Variants in SNED1 observed in about 807,000 individuals in gnomAD.
SNED1 encodes sushi, nidogen and EGF-like domain-containing protein 1.
Under a neutral mutation model 166.7 loss-of-function variants are expected in SNED1, and 81 were observed. The ratio of observed to expected loss-of-function variants is 0.49; its 90% CI spans 0.41 to 0.58. SNED1 has a LOEUF of 0.58. Ranked by LOEUF, SNED1 falls within the 20% of genes least tolerant of loss-of-function variation. The probability of loss-of-function intolerance (pLI) is 0.00; values close to 1 mark genes in which losing one functional copy is unlikely to be tolerated. For synonymous variants in SNED1, 762 were observed against 822.0 expected (o/e 0.93, Z 1.25); for missense variants, 1,604 against 2,000.2 (o/e 0.80, Z 3.78).
intron 16 of SNED1, among the ~76,000 whole-genome samples, chr2:241,055,355 CAG>C (rs1398019854): frequency 4.6e-5 from 7 of 152,074 alleles, no homozygotes; most frequent in Non-Finnish European, 8.8e-5. Context: ...CCTAGACAAA[CAG>C]AAAAAGTTTT....
At position 241,070,062 on chromosome 2, in the gene SNED1, T is replaced by C. The variant is rs1456633303; in HGVS notation, c.3450T>C (p.Tyr1150=). Residue 1150 remains tyrosine, a synonymous_variant, in exon 24 of 32, where the codon TAT becomes TAC. Coordinates refer to ENST00000310397, the MANE Select transcript of SNED1 (RefSeq NM_001080437.3). ...CCAGCCAGAGCACCAAGAGCCGCTA[T>C]GTCCCCAACGGGAAGCTGGCGTCCT... is the stretch of plus-strand genomic sequence containing the variant. ...VTTSQSTKSR[Y]VPNGKLASYT... 1.6e-5 allele frequency: 26 copies of C among 1,613,106 alleles called. No individual in the cohort carries two copies. Among genetic ancestry groups the C allele is most frequent in the South Asian group, 7.7e-5 (7 of 91,088 alleles).
intron 16 of SNED1, among the ~76,000 whole-genome samples, chr2:241,056,102 G>A (rs935397453): frequency 2.2e-4 from 33 of 150,790 alleles, no homozygotes; most frequent in African/African-American, 8.2e-4. Flanking sequence ...AGACCTTATG[G>A]ATCACCCAAG....
intron 29 of SNED1, among the ~76,000 whole-genome samples, chr2:241,086,498 C>A (rs2063582178): frequency 1.3e-5 from 2 of 152,248 alleles, no homozygotes; most frequent in South Asian, 4.1e-4. Flanking sequence ...GAATTCCAGG[C>A]TGACCACAGG....
At position 241,064,852 on chromosome 2, in the gene SNED1, C is replaced by A; in HGVS notation, c.2608C>A (p.Pro870Thr). Residue 870 changes from proline (P) to threonine (T), a missense_variant, in exon 20 of 32, where the codon CCC (proline) becomes ACC (threonine). Pro to Thr is a conservative substitution (Grantham distance 38, BLOSUM62 -1). This residue lies in a region of SNED1 where 1,237 missense variants were observed against 1,620.8 expected (regional missense o/e 0.76). Coordinates refer to ENST00000310397, the MANE Select transcript of SNED1 (RefSeq NM_001080437.3). This position sits in a 1 kb window ranked among gnomAD's most constrained non-coding sequence, Gnocchi z 7.0. ...ACTTTTTCTCCCCTCAGTGAGTGAC[C>A]CCTGCTTCTCCAGCCCCTGTGGGGG... is the stretch of plus-strand genomic sequence containing the variant. Reference protein sequence around the residue: ...FGYHCETVSDPCFSSPCGGRG... With the variant: ...FGYHCETVSDTCFSSPCGGRG... 6.3e-7 allele frequency: 1 copy of A among 1,585,912 alleles called. No homozygotes were observed. The highest frequency in any genetic ancestry group is 8.5e-7 in the Non-Finnish European group (1 of 1,171,336).
At chr2:241,033,298 T>C (rs1204753390) in intron 2 of SNED1, among the ~76,000 whole-genome samples, 1 of 152,228 alleles carries the variant, frequency 6.6e-6, no homozygotes, top group Non-Finnish European at 1.5e-5. Context: ...AATATTTCCT[T>C]GCAGTAGAAT....
At position 241,068,586 on chromosome 2, in the gene SNED1, G is replaced by A. The variant is rs1039003206; in HGVS notation, c.3195-325G>A. On this transcript the variant is annotated intron_variant, in intron 22 of 31. Coordinates refer to ENST00000310397, the MANE Select transcript of SNED1 (RefSeq NM_001080437.3). The surrounding 1 kb of genome is among the most constrained non-coding windows in gnomAD (Gnocchi z 5.3). The stretch of plus-strand genomic sequence containing the variant: ...GAATTTACATCAACTCACCTGTGCT[G>A]AGGGCCCGTCCCCCATCCCTGCACA... 3.9e-5 allele frequency among the ~76,000 whole-genome samples: 6 copies of A among 152,078 alleles called. No homozygotes were observed. The highest frequency in any genetic ancestry group is 1.4e-4 in the African/African-American group (6 of 41,390).
intron 3 of SNED1, 33 bp from the exon 4 acceptor site, chr2:241,034,535 G>T (rs774952011): frequency 1.3e-6 from 2 of 1,555,830 alleles, no homozygotes; most frequent in Admixed American, 3.5e-5. Context: ...TGGGGAACTG[G>T]CCTCCCTCAC....
chr2:241,034,956 A>T (rs1284755197), intron 4 of SNED1, among the ~76,000 whole-genome samples: 1 of 150,144 alleles, frequency 6.7e-6, no homozygotes, highest in African/African-American at 2.5e-5. Context: ...TCTGGGTTGG[A>T]GGGAACCCTC....
intron 1 of SNED1, among the ~76,000 whole-genome samples, chr2:241,023,341 T>C (rs1197805800): frequency 6.6e-6 from 1 of 152,224 alleles, no homozygotes; most frequent in Non-Finnish European, 1.5e-5. Context: ...CTCCATTTCC[T>C]GGTGATTAGA....
At chr2:241,048,883 C>T (rs1559263161) in intron 10 of SNED1, 117 bp downstream of exon 10, 2 of 1,178,676 alleles carry the variant, frequency 1.7e-6, no homozygotes, top group Middle Eastern at 1.9e-4. Flanking sequence ...GTTCTACCCC[C>T]ACCCAGGAGG....
rs148445150 is a variant in SNED1 at position 241,038,290 on chromosome 2, C to G, written c.1045+937C>G. ...ATCAATATCTCAATCTAGAAAAAAA[C>G]AATTCTTATCAGATATTTATGGTCA... is the stretch of plus-strand genomic sequence containing the variant. On this transcript the variant is annotated intron_variant, in intron 6 of 31. Coordinates refer to ENST00000310397, the MANE Select transcript of SNED1 (RefSeq NM_001080437.3). 4.6e-4 allele frequency among the ~76,000 whole-genome samples: 70 copies of G among 152,302 alleles called. No individual in the cohort carries two copies. The East Asian group carries it at 0.013, about 29-fold the overall frequency.
chr2:241,022,293 C>T (rs1409853570), intron 1 of SNED1, among the ~76,000 whole-genome samples: 2 of 152,112 alleles, frequency 1.3e-5, no homozygotes, highest in African/African-American at 4.8e-5. Flanking sequence ...ATCCAAGAAA[C>T]CATGGGATAA....
At chr2:241,038,694 G>A (rs534122071) in intron 6 of SNED1, among the ~76,000 whole-genome samples, 97 of 152,368 alleles carry the variant, frequency 6.4e-4, no homozygotes, top group Non-Finnish European at 8.7e-4. Flanking sequence ...GGTGGGAGTC[G>A]GGCTTCTGTG....
At chr2:241,089,446 C>T in intron 31 of SNED1, 1 of 1,545,758 alleles carries the variant, frequency 6.5e-7, no homozygotes, top group Non-Finnish European at 8.7e-7. Flanking sequence ...TATAGGCTCA[C>T]ACACACCAAA....
chr2:241,027,820 G>A (rs1179407153), intron 1 of SNED1, among the ~76,000 whole-genome samples: 4 of 148,648 alleles, frequency 2.7e-5, no homozygotes, highest in Non-Finnish European at 5.9e-5. Context: ...TGCAAGCTCC[G>A]CCTCCCGGGT....
chr2:241,031,657 A>G (rs991831105), intron 2 of SNED1, among the ~76,000 whole-genome samples: 6 of 152,264 alleles, frequency 3.9e-5, no homozygotes, highest in African/African-American at 1.4e-4. Flanking sequence ...CTCGGCTCCC[A>G]GAGCCCCACC....
chr2:241,042,684 A>T (rs977950048), intron 8 of SNED1, among the ~76,000 whole-genome samples: 2 of 152,260 alleles, frequency 1.3e-5, no homozygotes, highest in Non-Finnish European at 2.9e-5. Flanking sequence ...AGGTATTTTT[A>T]AAAACTTGTA....
chr2:241,006,249 G>A (rs868406712), intron 1 of SNED1, among the ~76,000 whole-genome samples: 10 of 151,670 alleles, frequency 6.6e-5, no homozygotes, highest in African/African-American at 2.4e-4. Context: ...GATCTTTTCT[G>A]CATTTTTCAT....
chr2:241,036,261 G>A (rs1395677349), intron 4 of SNED1, among the ~76,000 whole-genome samples: 1 of 151,900 alleles, frequency 6.6e-6, no homozygotes, highest in African/African-American at 2.4e-5. Context: ...ACTGGGGCAC[G>A]AACAGGCCCC....
Sources: allele counts gnomAD v4.1 joint callset (sites outside exome capture counted in the v4.1 genomes callset), GRCh38; gene constraint gnomAD v4.1.1; regional missense constraint gnomAD v4.1.1; non-coding constraint Gnocchi (gnomAD v3.1); transcripts MANE v1.5; gene names NCBI Gene and HGNC (gene_info 2026-07-23, HGNC 2026-07-21).